VIRMA: variants seen among roughly 807,000 people sequenced by gnomAD.
VIRMA encodes protein virilizer homolog.
A neutral mutation model predicts 182.4 loss-of-function variants in VIRMA; 65 were observed. The ratio of observed to expected loss-of-function variants is 0.36; its 90% CI spans 0.29 to 0.44. The LOEUF (loss-of-function observed/expected upper bound fraction) is 0.44, where lower values mean the gene tolerates loss of function less well. VIRMA is among the 20% of genes least tolerant of loss of function. The pLI is 1.00. For missense variants in VIRMA, 1,752 were observed against 2,158.1 expected (o/e 0.81, Z 3.73); for synonymous variants, 709 against 743.1 (o/e 0.95, Z 0.75).
chr8:94,551,570 A>G (rs928230416), intron 1 of VIRMA, among the ~76,000 whole-genome samples: 3 of 152,230 alleles, frequency 2.0e-5, no homozygotes, highest in Admixed American at 1.3e-4. Flanking sequence ...CCCAGAAGAA[A>G]GCATTTACCA....
chr8:94,512,171 G>T, intron 11 of VIRMA, 82 bp from the exon 12 acceptor site: 1 of 502,626 alleles, frequency 2.0e-6, no homozygotes, highest in Admixed American at 4.2e-5. Flanking sequence ...GGAATTACTT[G>T]AAAATATGAG....
intron 1 of VIRMA, among the ~76,000 whole-genome samples, chr8:94,551,602 A>G (rs572680261): frequency 6.8e-4 from 103 of 152,374 alleles, no homozygotes; most frequent in Admixed American, 2.2e-3. Flanking sequence ...CTCTCAAGGT[A>G]TTCAATGTTT....
chr8:94,492,039 A>C, intron 21 of VIRMA, 130 bp from the exon 22 acceptor site: 1 of 632,886 alleles, frequency 1.6e-6, no homozygotes, highest in South Asian at 2.7e-5. Flanking sequence ...AGTATCTATC[A>C]TACTTCTGGG....
intron 2 of VIRMA, among the ~76,000 whole-genome samples, chr8:94,540,453 CTTCTT>C (rs1563480575): frequency 8.7e-6 from 1 of 115,162 alleles, no homozygotes; most frequent in Non-Finnish European, 1.7e-5. Flanking sequence ...TTTACTTTTT[CTTCTT>C]TTCTTTTTTT....
rs1814618587 is a variant in VIRMA at position 94,517,953 on chromosome 8, AT to A, written c.2514-12del. On this transcript the variant is annotated splice_polypyrimidine_tract_variant and intron_variant, in intron 9 of 23. Transcript: ENST00000297591. ...TTAGATTTGGAATCACTGAAACAAA[AT>A]AAGGTTTTTAAGTTTTGGATACAAA... The A allele has an allele frequency of 1.3e-6, 2 of 1,593,424 alleles. No homozygotes were observed. Among genetic ancestry groups the A allele is most frequent in the East Asian group, 4.5e-5 (2 of 44,684 alleles).
chr8:94,507,478 G>A (rs976834883), intron 15 of VIRMA, among the ~76,000 whole-genome samples: 6 of 151,594 alleles, frequency 4.0e-5, no homozygotes, highest in South Asian at 2.1e-4. Context: ...TTTAAGGCTC[G>A]GCACAGTGGC....
chr8:94,498,318 T>C (rs936943339), intron 17 of VIRMA: 13 of 152,198 alleles, frequency 8.5e-5, no homozygotes, highest in South Asian at 2.1e-4. Context: ...ATTTGTACGA[T>C]AGACCAAAAA....
rs1250710450 is a variant in VIRMA at position 94,523,812 on chromosome 8, G to A, written c.2021+2411C>T. Among the ~76,000 whole-genome samples, 7 of 150,660 alleles carry A rather than the reference G, an allele frequency of 4.6e-5. No homozygotes were observed. In the East Asian group the frequency reaches 1.4e-3, roughly 30 times the overall value. On this transcript the variant is annotated intron_variant, in intron 8 of 23. Coordinates refer to ENST00000297591, the MANE Select transcript of VIRMA (RefSeq NM_015496.5). ...ACCTGGCTAGTTTTTCTTTTTTTGA[G>A]ATAGCATCTCACTCTGTTGCCCAGG...
intron 10 of VIRMA, 30 bp from the exon 11 acceptor site, chr8:94,514,981 A>T: frequency 9.0e-7 from 1 of 1,109,866 alleles, no homozygotes; most frequent in Non-Finnish European, 1.3e-6. Context: ...TATAATATTT[A>T]AAAATAGAAG....
intron 20 of VIRMA, among the ~76,000 whole-genome samples, chr8:94,494,180 T>C (rs1481025634): frequency 6.6e-6 from 1 of 152,196 alleles, no homozygotes; most frequent in Non-Finnish European, 1.5e-5. Context: ...TCTGGCCAAA[T>C]GTGGTGGCTC....
At position 94,490,098 on chromosome 8, in the gene VIRMA, A is replaced by G. The variant is rs1035387686; in HGVS notation, c.5141-16T>C. On this transcript the variant is annotated splice_polypyrimidine_tract_variant and intron_variant, in intron 22 of 23. Coordinates refer to ENST00000297591, the MANE Select transcript of VIRMA (RefSeq NM_015496.5). ...CTGTAGTTTCCTAAACACAAACAGC[A>G]CAATCAAAATCACTTTTTTCACAAC... The G allele has an allele frequency of 3.8e-6, 6 of 1,585,790 alleles. No individual in the cohort carries two copies. The highest frequency in any genetic ancestry group is 4.3e-6 in the Non-Finnish European group (5 of 1,167,874).
At chr8:94,547,895 C>T (rs1407258213) in intron 1 of VIRMA, among the ~76,000 whole-genome samples, 2 of 146,134 alleles carry the variant, frequency 1.4e-5, no homozygotes, top group African/African-American at 5.2e-5. Context: ...ACTTTAAAAA[C>T]TAGACGGGCA....
At position 94,506,365 on chromosome 8, in the gene VIRMA, C is replaced by T. The variant is rs990004918; in HGVS notation, c.4097+135G>A. 4 of 593,746 alleles carry T rather than the reference C, an allele frequency of 6.7e-6. No homozygotes were observed. In the Admixed American group the frequency reaches 9.5e-5, roughly 14 times the overall value. 36.8% of individuals were successfully genotyped at this position (593,746 alleles called of 1,614,324 possible). A position where few individuals can be genotyped will look rare whatever the true frequency, so the allele number is the denominator to read the frequency against. On this transcript the variant is annotated intron_variant, in intron 16 of 23. Transcript: ENST00000297591. ...TCATTGCTAATTAATCTTTTCCATACACACAAAATTTCTCCCACGAAAGAA... is the reference window on the plus strand; with the variant it reads ...TCATTGCTAATTAATCTTTTCCATATACACAAAATTTCTCCCACGAAAGAA...
At position 94,519,058 on chromosome 8, in the gene VIRMA, G is replaced by A. The variant is rs775450197; in HGVS notation, c.2440C>T (p.His814Tyr). Residue 814 changes from histidine (H) to tyrosine (Y), a missense_variant, in exon 9 of 24, where the codon CAT (histidine) becomes TAT (tyrosine). This residue lies in a region of VIRMA where 777 missense variants were observed against 920.6 expected (regional missense o/e 0.84). Transcript: ENST00000297591. ...FNPVGRSAVG[H>Y]VFSLEKNLQS... ...AGATTTTTCTCCAGACTAAAAACAT[G>A]GCCAACAGCTGATCTTCCCACAGGA... The A allele has an allele frequency of 6.2e-7, 1 of 1,613,768 alleles. No homozygotes were observed.
intron 10 of VIRMA, among the ~76,000 whole-genome samples, chr8:94,516,438 A>G (rs1814564298): frequency 6.6e-6 from 1 of 152,190 alleles, no homozygotes; most frequent in South Asian, 2.1e-4. Context: ...AAGCTATACC[A>G]TAACTCCTAT....
Position 94,510,484 on chromosome 8 carries a change from G to A in VIRMA, c.3559C>T (p.Leu1187Phe). 1 of 1,614,076 alleles carries A rather than the reference G, an allele frequency of 6.2e-7. No homozygotes were observed. Among genetic ancestry groups the A allele is most frequent in the Non-Finnish European group, 8.5e-7 (1 of 1,179,998 alleles). The change falls in exon 14 of 24, where the codon CTT (leucine) becomes TTT (phenylalanine). Residue 1187 changes from leucine (L) to phenylalanine (F), a missense_variant. Physicochemically the swap from Leu to Phe is conservative, Grantham distance 22. Around this residue, in one of 11 missense-constraint regions of VIRMA, gnomAD observed 777 missense variants for 920.6 expected, o/e 0.84. Coordinates refer to ENST00000297591, the MANE Select transcript of VIRMA (RefSeq NM_015496.5). ...LRRICVQLCDLASPTALLIMR... is the reference protein window; with the variant it reads ...LRRICVQLCDFASPTALLIMR... ...ATCAGAAGTGCAGTTGGTGAGGCAA[G>A]GTCACACAATTGAACACAAATACGC...
chr8:94,510,279 A>C (rs1019968646), intron 14 of VIRMA, 138 bp downstream of exon 14: 6 of 633,896 alleles, frequency 9.5e-6, no homozygotes, highest in Middle Eastern at 4.0e-4. Flanking sequence ...ATATGTGTGC[A>C]TATGTAGGTA....
At chr8:94,543,759 G>T in intron 2 of VIRMA, 68 bp downstream of exon 2, 5 of 831,098 alleles carry the variant, frequency 6.0e-6, no homozygotes, top group African/African-American at 1.7e-5. Context: ...TTACATTTTT[G>T]CATTTAAGAA....
Position 94,491,665 on chromosome 8 carries a change from A to G in VIRMA, c.5053T>C (p.Ser1685Pro), listed in dbSNP as rs369018696. 4 of 1,614,050 alleles carry G rather than the reference A, an allele frequency of 2.5e-6. No individual in the cohort carries two copies. In the African/African-American group the frequency reaches 5.3e-5, roughly 22 times the overall value. The change falls in exon 22 of 24, where the codon TCT becomes CCT. Residue 1685 changes from serine (S) to proline (P), a missense_variant. Ser to Pro is a moderately conservative substitution (Grantham distance 74). Around this residue, in one of 11 missense-constraint regions of VIRMA, gnomAD observed 132 missense variants for 173.8 expected, o/e 0.76. Transcript: ENST00000297591. Reference protein sequence around the residue: ...KRPLKVSQKISSRGGFSGNRG... With the variant: ...KRPLKVSQKIPSRGGFSGNRG... ...TTGCCTGAAAACCCACCACGGGAAG[A>G]AATCTTCTGTGATACTTTGAGTGGC...
Sources: gnomAD v4.1 joint callset for allele counts (sites outside exome capture counted in the v4.1 genomes callset) on GRCh38, gnomAD v4.1.1 for gene constraint, gnomAD v4.1.1 regional missense constraint, MANE v1.5 for transcripts, NCBI Gene and HGNC (gene_info 2026-07-23, HGNC 2026-07-21) for gene names.